SYN3: variants seen among roughly 807,000 people sequenced by gnomAD.
The protein encoded by SYN3 is synapsin-3.
Under a neutral mutation model 65.8 loss-of-function variants are expected in SYN3, and 35 were observed. That is an observed-to-expected ratio of 0.53 (90% CI 0.41 to 0.70). The LOEUF (loss-of-function observed/expected upper bound fraction) is 0.70. Ranked by LOEUF, SYN3 falls within the 30% of genes least tolerant of loss-of-function variation. SYN3 has a pLI of 0.00. For missense variants in SYN3, 680 were observed against 749.0 expected (o/e 0.91, Z 1.08); for synonymous variants, 270 against 292.9 (o/e 0.92, Z 0.80).
intron 6 of SYN3, among the ~76,000 whole-genome samples, chr22:32,685,071 A>G (rs2060572387): frequency 6.6e-6 from 1 of 152,140 alleles, no homozygotes; most frequent in African/African-American, 2.4e-5. Flanking sequence ...CTTTCACACT[A>G]CAGCAGCGGA....
chr22:32,672,742 C>T (rs945367118), intron 6 of SYN3, among the ~76,000 whole-genome samples: 8 of 152,176 alleles, frequency 5.3e-5, no homozygotes, highest in African/African-American at 1.7e-4. Flanking sequence ...GCTGGGGAGG[C>T]GGCCAGCTGG....
At chr22:32,618,989 G>A (rs2059558290) in intron 6 of SYN3, among the ~76,000 whole-genome samples, 1 of 152,116 alleles carries the variant, frequency 6.6e-6, no homozygotes, top group Non-Finnish European at 1.5e-5. Context: ...TAATAGAGAG[G>A]ACTCTAAATG....
In SYN3 at chr22:32,985,917, C is replaced by T. The variant is rs116296961; in HGVS notation, c.312-5215G>A. On this transcript the variant is annotated intron_variant, in intron 2 of 13. Transcript: ENST00000358763. Reference sequence around the variant, plus strand: ...TGCTGAGTTTTCCTTGACAGCACCCCCTTCCCTAGCTGGGCTGAGCGTCCT... The same window carrying T: ...TGCTGAGTTTTCCTTGACAGCACCCTCTTCCCTAGCTGGGCTGAGCGTCCT... 3.6e-3 allele frequency among the ~76,000 whole-genome samples: 549 copies of T among 152,126 alleles called. 3 individuals carry two copies. The highest frequency in any genetic ancestry group is 0.013 in the African/African-American group (524 of 41,514).
At chr22:32,818,808 C>T (rs887837154) in intron 6 of SYN3, among the ~76,000 whole-genome samples, 2 of 152,144 alleles carry the variant, frequency 1.3e-5, no homozygotes, top group African/African-American at 4.8e-5. Flanking sequence ...GCAAGAGATT[C>T]GCAGGTAGGG....
chr22:32,801,989 G>T lies in SYN3; in HGVS notation c.711+62926C>A, dbSNP rs1461856179. The stretch of plus-strand genomic sequence containing the variant: ...GGCGAGCAGCAGCCCCGGCAGCGGC[G>T]GCAGCAGCGGCAATGACCCCTTGGC... On this transcript the variant is annotated intron_variant, in intron 6 of 13. Transcript: ENST00000358763. The surrounding 1 kb of genome is among the most constrained non-coding windows in gnomAD (Gnocchi z 4.7). 1.9e-6 allele frequency: 3 copies of T among 1,582,656 alleles called. No homozygotes were observed. Among genetic ancestry groups the T allele is most frequent in the East Asian group, 2.3e-5 (1 of 43,790 alleles).
At chr22:32,743,535 G>A (rs1252231883) in intron 6 of SYN3, among the ~76,000 whole-genome samples, 1 of 152,196 alleles carries the variant, frequency 6.6e-6, no homozygotes, top group Admixed American at 6.5e-5. Flanking sequence ...CGTCCATGCT[G>A]CCTGCTGCCC....
chr22:32,868,900 G>C, intron 5 of SYN3, 66 bp downstream of exon 5: 1 of 1,527,138 alleles, frequency 6.5e-7, no homozygotes, highest in Non-Finnish European at 8.9e-7. Context: ...GAGTGGGCTT[G>C]TCGCAGAGTG....
chr22:32,795,080 G>A (rs1340266256), intron 6 of SYN3, among the ~76,000 whole-genome samples: 1 of 152,198 alleles, frequency 6.6e-6, no homozygotes, highest in Non-Finnish European at 1.5e-5. Context: ...TGTGGACCGT[G>A]GGGCCCTGGG....
At chr22:33,044,636 A>C (rs1382880168) in intron 1 of SYN3, among the ~76,000 whole-genome samples, 1 of 151,470 alleles carries the variant, frequency 6.6e-6, no homozygotes, top group African/African-American at 2.4e-5. Flanking sequence ...AACTTTCTCC[A>C]AGTCGGAATT....
chr22:32,552,903 C>T (rs1049915720), intron 7 of SYN3, among the ~76,000 whole-genome samples: 28 of 152,162 alleles, frequency 1.8e-4, no homozygotes, highest in Non-Finnish European at 3.7e-4. Flanking sequence ...AGAGACTAGG[C>T]GGCTTAAACA....
intron 6 of SYN3, among the ~76,000 whole-genome samples, chr22:32,788,890 A>G (rs1291242907): frequency 6.6e-6 from 1 of 152,156 alleles, no homozygotes; most frequent in Admixed American, 6.5e-5. Flanking sequence ...TGGTGCACCC[A>G]CCTGCCTGGG....
At chr22:32,547,681 G>A (rs1383570420) in intron 7 of SYN3, among the ~76,000 whole-genome samples, 1 of 152,264 alleles carries the variant, frequency 6.6e-6, no homozygotes, top group Non-Finnish European at 1.5e-5. Flanking sequence ...GGCAGAGAAA[G>A]TGGAGAGAGG....
intron 6 of SYN3, among the ~76,000 whole-genome samples, chr22:32,731,392 C>T (rs1383185945): frequency 6.6e-6 from 1 of 152,148 alleles, no homozygotes; most frequent in Non-Finnish European, 1.5e-5. Context: ...ACCTCCAGCT[C>T]CACAATCTAT....
At chr22:33,057,824 GA>G (rs2054278347) in intron 1 of SYN3, 1 of 152,596 alleles carries the variant, frequency 6.6e-6, no homozygotes, top group South Asian at 2.1e-4. Flanking sequence ...CTGGAAATCG[GA>G]AATGGCATGA....
At chr22:32,650,223 CT>C (rs2060042739) in intron 6 of SYN3, among the ~76,000 whole-genome samples, 1 of 127,574 alleles carries the variant, frequency 7.8e-6, no homozygotes, top group African/African-American at 3.9e-5. Context: ...CTTTCTCTCT[CT>C]CTCTCTCTCC....
chr22:32,933,673 C>T (rs1314077214), intron 3 of SYN3, among the ~76,000 whole-genome samples: 2 of 152,066 alleles, frequency 1.3e-5, no homozygotes, highest in African/African-American at 2.4e-5. Context: ...CTCCTGACCT[C>T]GTGATCCGCC....
At chr22:32,710,632 CAA>C (rs57427060) in intron 6 of SYN3, among the ~76,000 whole-genome samples, 12 of 74,968 alleles carry the variant, frequency 1.6e-4, no homozygotes, top group Admixed American at 6.2e-4. Flanking sequence ...GACTCTGTCT[CAA>C]AAAAAAAAAA....
intron 6 of SYN3, among the ~76,000 whole-genome samples, chr22:32,706,434 T>C (rs755900613): frequency 1.3e-5 from 2 of 152,124 alleles, no homozygotes; most frequent in Non-Finnish European, 2.9e-5. Flanking sequence ...ATGCAGAAAA[T>C]GCTAAAATTA....
intron 7 of SYN3, among the ~76,000 whole-genome samples, chr22:32,585,308 A>G (rs898659475): frequency 1.3e-5 from 2 of 152,198 alleles, no homozygotes; most frequent in African/African-American, 2.4e-5. Flanking sequence ...CAGTTGAGCC[A>G]AGCTCAGAAC....
Sources: gnomAD v4.1 joint callset for allele counts (sites outside exome capture counted in the v4.1 genomes callset) on GRCh38, gnomAD v4.1.1 for gene constraint, Gnocchi (gnomAD v3.1) non-coding constraint, MANE v1.5 for transcripts, NCBI Gene and HGNC (gene_info 2026-07-23, HGNC 2026-07-21) for gene names.